Variants in ADAMTSL3 observed in about 807,000 individuals in gnomAD.
The protein encoded by ADAMTSL3 is ADAMTS-like protein 3.
A neutral mutation model predicts 201.7 loss-of-function variants in ADAMTSL3; 128 were observed. The ratio of observed to expected loss-of-function variants is 0.63; its 90% CI spans 0.55 to 0.73. The LOEUF (loss-of-function observed/expected upper bound fraction) is 0.73. Among genes scored for constraint, ADAMTSL3 ranks in the 30% least tolerant of loss-of-function variants. ADAMTSL3 has a pLI of 0.00. For missense variants in ADAMTSL3, 1,990 were observed against 2,119.6 expected, an observed-to-expected ratio of 0.94 and a Z score of 1.20; for synonymous variants, 738 against 748.4, an observed-to-expected ratio of 0.99 and a Z score of 0.23.
intron 3 of ADAMTSL3, 122 bp downstream of exon 3, chr15:83,704,630 C>T: frequency 7.7e-7 from 1 of 1,295,996 alleles, no homozygotes; most frequent in South Asian, 1.5e-5. Context: ...ACAACAGACC[C>T]TTGACACCCT....
intron 3 of ADAMTSL3, among the ~76,000 whole-genome samples, chr15:83,743,311 A>G (rs927175954): frequency 2.6e-5 from 4 of 151,968 alleles, no homozygotes; most frequent in Admixed American, 2.6e-4. Flanking sequence ...CAGGAGATCG[A>G]GACCATCCTG....
chr15:83,707,295 A>G (rs1050090696), intron 3 of ADAMTSL3, among the ~76,000 whole-genome samples: 2 of 152,222 alleles, frequency 1.3e-5, no homozygotes, highest in Non-Finnish European at 1.5e-5. Flanking sequence ...GGCCTGGTAC[A>G]TATAAGCATT....
At chr15:83,754,946 C>G (rs1213323977) in intron 3 of ADAMTSL3, among the ~76,000 whole-genome samples, 1 of 152,164 alleles carries the variant, frequency 6.6e-6, no homozygotes, top group Non-Finnish European at 1.5e-5. Flanking sequence ...CAACTTTCTT[C>G]CATTCACCTT....
Position 83,708,297 on chromosome 15 carries a change from T to A in ADAMTSL3, c.189+3789T>A, listed in dbSNP as rs1034485771. On this transcript the variant is annotated intron_variant, in intron 3 of 29. Coordinates refer to ENST00000286744, the MANE Select transcript of ADAMTSL3 (RefSeq NM_207517.3). ...GATGCAAATGGATGGTGTGTAGATA[T>A]TTGCTGTCTTGGATGAACCTCACAG... 3.3e-5 allele frequency among the ~76,000 whole-genome samples: 5 copies of A among 152,320 alleles called. 1 individual carries two copies. Among genetic ancestry groups the A allele is most frequent in the Admixed American group, 6.5e-5 (1 of 15,300 alleles).
intron 15 of ADAMTSL3, among the ~76,000 whole-genome samples, chr15:83,909,305 G>A (rs979818640): frequency 1.3e-5 from 2 of 152,124 alleles, no homozygotes; most frequent in Non-Finnish European, 2.9e-5. Flanking sequence ...ACTTGCAGGG[G>A]TGAGGAGCCA....
intron 19 of ADAMTSL3, among the ~76,000 whole-genome samples, chr15:83,964,814 C>G (rs1179938707): frequency 2.0e-5 from 3 of 152,188 alleles, no homozygotes; most frequent in African/African-American, 7.2e-5. Flanking sequence ...ATCAGACTAA[C>G]AGTGGATCTC....
intron 3 of ADAMTSL3, among the ~76,000 whole-genome samples, chr15:83,773,071 A>G (rs11854438): frequency 0.39 from 59,320 of 152,064 alleles, 12,468 homozygotes; most frequent in South Asian, 0.63. Flanking sequence ...ACTGCTTTTC[A>G]TATAAACCTG....
chr15:83,657,829 A>T (rs1184744466), intron 2 of ADAMTSL3, among the ~76,000 whole-genome samples: 2 of 152,140 alleles, frequency 1.3e-5, no homozygotes, highest in African/African-American at 4.8e-5. Flanking sequence ...AGGCCCTGAG[A>T]AAAGGTTCTA....
chr15:83,673,432 A>G (rs1339575474), intron 2 of ADAMTSL3, among the ~76,000 whole-genome samples: 1 of 152,144 alleles, frequency 6.6e-6, no homozygotes, highest in African/African-American at 2.4e-5. Flanking sequence ...GAGTCCCTAG[A>G]GTGTGACAGG....
chr15:83,831,822 A>C (rs1172328588), intron 6 of ADAMTSL3, among the ~76,000 whole-genome samples: 2 of 152,198 alleles, frequency 1.3e-5, no homozygotes, highest in South Asian at 4.1e-4. Context: ...GGTGGGCAAG[A>C]CAGAGGGAAA....
chr15:83,766,243 AC>A (rs1260159973), intron 3 of ADAMTSL3, among the ~76,000 whole-genome samples: 1 of 152,008 alleles, frequency 6.6e-6, no homozygotes, highest in African/African-American at 2.4e-5. Context: ...TGTCCCTCTC[AC>A]CTGATGCTCA....
At chr15:83,824,065 G>A (rs1241655312) in intron 6 of ADAMTSL3, among the ~76,000 whole-genome samples, 4 of 141,028 alleles carry the variant, frequency 2.8e-5, no homozygotes, top group Non-Finnish European at 6.1e-5. Flanking sequence ...TTTTTAAAGA[G>A]ACAGGGTCTC....
chr15:83,937,307 C>T (rs1291737842), intron 17 of ADAMTSL3, among the ~76,000 whole-genome samples: 1 of 150,940 alleles, frequency 6.6e-6, no homozygotes, highest in Admixed American at 6.6e-5. Context: ...TACATATACA[C>T]CATGGAATAT....
intron 3 of ADAMTSL3, among the ~76,000 whole-genome samples, chr15:83,708,927 C>T (rs1021495187): frequency 3.3e-5 from 5 of 152,132 alleles, no homozygotes; most frequent in African/African-American, 1.2e-4. Context: ...CAAGGACACC[C>T]GTGGTTATTT....
chr15:83,841,098 A>G (rs2064366138), intron 7 of ADAMTSL3, among the ~76,000 whole-genome samples: 1 of 152,244 alleles, frequency 6.6e-6, no homozygotes, highest in Admixed American at 6.5e-5. Context: ...TTCATTGACC[A>G]GAATTATGGT....
At chr15:83,686,094 G>A (rs2061532623) in intron 2 of ADAMTSL3, among the ~76,000 whole-genome samples, 1 of 152,054 alleles carries the variant, frequency 6.6e-6, no homozygotes, top group African/African-American at 2.4e-5. Context: ...TTTACAACCT[G>A]TCACAGACCT....
chr15:84,012,131 G>C (rs1475731867), intron 23 of ADAMTSL3, among the ~76,000 whole-genome samples: 1 of 152,022 alleles, frequency 6.6e-6, no homozygotes, highest in African/African-American at 2.4e-5. Flanking sequence ...CGGTGTATTG[G>C]TTTTCTATTG....
At chr15:83,979,771 T>A (rs1034239498) in intron 20 of ADAMTSL3, among the ~76,000 whole-genome samples, 1 of 152,212 alleles carries the variant, frequency 6.6e-6, no homozygotes, top group African/African-American at 2.4e-5. Context: ...TAGAATGTGC[T>A]CATAGACAAC....
intron 17 of ADAMTSL3, among the ~76,000 whole-genome samples, chr15:83,941,445 A>G (rs925963395): frequency 3.3e-5 from 5 of 152,128 alleles, no homozygotes; most frequent in African/African-American, 9.6e-5. Context: ...CTATAGTTAG[A>G]TATCATCACT....
Sources: allele counts gnomAD v4.1 joint callset (sites outside exome capture counted in the v4.1 genomes callset), GRCh38; gene constraint gnomAD v4.1.1; transcripts MANE v1.5; gene names NCBI Gene and HGNC (gene_info 2026-07-23, HGNC 2026-07-21).